The following NTM variants were observed in gnomAD, a reference collection of about 807,000 sequenced individuals.
The protein encoded by NTM is neurotrimin.
NTM carries 13 observed loss-of-function variants against 42.1 expected under a neutral mutation model. The observed-to-expected ratio is 0.31, with a 90% CI of 0.20 to 0.49. The LOEUF is 0.49. Ranked by LOEUF, NTM falls within the 20% of genes least tolerant of loss-of-function variation. The pLI is 0.99. For missense variants in NTM, 373 were observed against 452.8 expected, an observed-to-expected ratio of 0.82 and a Z score of 1.60; for synonymous variants, 187 against 179.2, an observed-to-expected ratio of 1.04 and a Z score of -0.35.
intron 2 of NTM, among the ~76,000 whole-genome samples, chr11:132,145,584 C>G (rs961317742): frequency 6.6e-6 from 1 of 152,160 alleles, no homozygotes; most frequent in Non-Finnish European, 1.5e-5. Context: ...GAAAGAAAAT[C>G]TATTTTTATA....
intron 3 of NTM, among the ~76,000 whole-genome samples, chr11:132,197,843 G>A (rs1459287932): frequency 1.3e-5 from 2 of 151,780 alleles, no homozygotes; most frequent in African/African-American, 2.4e-5. Flanking sequence ...ATTTTTTATG[G>A]CTGCATAGTA....
chr11:132,206,469 C>G (rs1250847288), intron 3 of NTM, among the ~76,000 whole-genome samples: 1 of 152,220 alleles, frequency 6.6e-6, no homozygotes, highest in Admixed American at 6.5e-5. Flanking sequence ...TTGCCAGAAA[C>G]TGTTCTCAAT....
At chr11:132,041,238 A>T (rs1165209201) in intron 2 of NTM, among the ~76,000 whole-genome samples, 10 of 134,134 alleles carry the variant, frequency 7.5e-5, no homozygotes, top group Admixed American at 2.8e-4. Flanking sequence ...AGATAGAGAG[A>T]GAGAGAGAGA....
At chr11:131,795,460 T>C in intron 1 of NTM, 1 of 985,434 alleles carries the variant, frequency 1.0e-6, no homozygotes, top group Non-Finnish European at 1.2e-6. Context: ...GATATGCAGC[T>C]TGTGGAAATG....
At position 131,860,733 on chromosome 11, in the gene NTM, G is replaced by T. The variant is rs537982364; in HGVS notation, c.83-50831G>T. ...TTCTAAGGGCAGCAGGTCCCAGGAA[G>T]TACACTTTCACCACCCCCTGAATTC... On this transcript the variant is annotated intron_variant, in intron 1 of 8. Coordinates refer to ENST00000683400, the MANE Select transcript of NTM (RefSeq NM_001352005.2). 3.3e-5 allele frequency among the ~76,000 whole-genome samples: 5 copies of T among 152,306 alleles called. No individual in the cohort carries two copies. The East Asian group carries it at 9.7e-4, about 29-fold the overall frequency.
rs75383178 is a variant in NTM, at chr11:131,811,705, C to T, written c.83-99859C>T. Among the ~76,000 whole-genome samples, 1,422 of 152,116 alleles carry T rather than the reference C, an allele frequency of 9.3e-3. 23 individuals carry two copies. Among genetic ancestry groups the T allele is most frequent in the African/African-American group, 0.032 (1,323 of 41,478 alleles). The stretch of plus-strand genomic sequence containing the variant: ...AGAAATGAGCTGCTGCAGAGTGAGT[C>T]GTGATGGATGGGCTCATTTACATGT... On this transcript the variant is annotated intron_variant, in intron 1 of 8. Transcript: ENST00000683400.
chr11:131,879,439 TTAA>T (rs1479017686), intron 1 of NTM, among the ~76,000 whole-genome samples: 4 of 152,142 alleles, frequency 2.6e-5, no homozygotes, highest in South Asian at 2.1e-4. Context: ...TTGGGTCATC[TTAA>T]TGATGACAGC....
chr11:131,745,331 A>G (rs1224569652), intron 1 of NTM, among the ~76,000 whole-genome samples: 1 of 152,238 alleles, frequency 6.6e-6, no homozygotes, highest in African/African-American at 2.4e-5. Flanking sequence ...CACTGCTCTC[A>G]GTCTCCTCAT....
At chr11:131,988,571 T>C (rs1234088820) in intron 2 of NTM, among the ~76,000 whole-genome samples, 1 of 152,156 alleles carries the variant, frequency 6.6e-6, no homozygotes, top group African/African-American at 2.4e-5. Context: ...CGTGGTGAGG[T>C]AGGTTGATGG....
At chr11:132,062,585 A>G (rs542441233) in intron 2 of NTM, among the ~76,000 whole-genome samples, 1 of 152,308 alleles carries the variant, frequency 6.6e-6, no homozygotes, top group South Asian at 2.1e-4. Context: ...TCTAAAAAAA[A>G]TAAAAGTATG....
chr11:131,718,109 A>G (rs542262939), intron 1 of NTM, among the ~76,000 whole-genome samples: 59 of 152,208 alleles, frequency 3.9e-4, no homozygotes, highest in Non-Finnish European at 7.6e-4. Flanking sequence ...CAATTTACTA[A>G]CAGTATGTTT....
At chr11:131,424,600 C>CTTTTCTTTTTTTTTTTTTTTTTTTTTTTT (rs1555108116) in intron 1 of NTM, among the ~76,000 whole-genome samples, 23 of 56,040 alleles carry the variant, frequency 4.1e-4, no homozygotes, top group African/African-American at 5.8e-4. Flanking sequence ...CTTTTCTTTT[C>CTTTTCTTTTTTTTTTTTTTTTTTTTTTTT]TTTTTTTTTT....
At chr11:131,517,842 C>T (rs565331336) in intron 1 of NTM, among the ~76,000 whole-genome samples, 1 of 152,308 alleles carries the variant, frequency 6.6e-6, no homozygotes, top group African/African-American at 2.4e-5. Context: ...ACCCCTCCCT[C>T]TAGCTCAGAT....
At chr11:131,397,501 C>T (rs1944689606) in intron 1 of NTM, among the ~76,000 whole-genome samples, 1 of 152,142 alleles carries the variant, frequency 6.6e-6, no homozygotes, top group Non-Finnish European at 1.5e-5. Context: ...TGAAGCCCAG[C>T]TTCTAATTTT....
intron 1 of NTM, among the ~76,000 whole-genome samples, chr11:131,874,030 A>AATATATATATATATATATAT (rs59083400): frequency 2.6e-5 from 2 of 76,638 alleles, no homozygotes; most frequent in African/African-American, 3.7e-5. Flanking sequence ...AATATAATAT[A>AATATATATATATATATATAT]ATATATATAT....
chr11:132,191,964 A>AT (rs1159461004), intron 3 of NTM, among the ~76,000 whole-genome samples: 4 of 152,174 alleles, frequency 2.6e-5, no homozygotes, highest in African/African-American at 9.6e-5. Flanking sequence ...AGGCAAAAAA[A>AT]TTTTTTTAAA....
chr11:132,310,056 C>CAAAAAAAA, intron 5 of NTM, 56 bp from the exon 6 acceptor site: 2 of 1,316,918 alleles, frequency 1.5e-6, no homozygotes, highest in Non-Finnish European at 1.9e-6. Flanking sequence ...GACTCCATCT[C>CAAAAAAAA]AAAAAAAAAA....
chr11:132,317,211 AGTGCTCTGGGGAGCTC>A (rs1439987253), intron 7 of NTM, among the ~76,000 whole-genome samples: 1 of 152,178 alleles, frequency 6.6e-6, no homozygotes, highest in Non-Finnish European at 1.5e-5. Context: ...CCTGAATCAC[AGTGCTCTGGGGAGCTC>A]GTTCGTTCCT....
chr11:131,451,584 G>A (rs532796920), intron 1 of NTM, among the ~76,000 whole-genome samples: 2 of 152,194 alleles, frequency 1.3e-5, no homozygotes, highest in Non-Finnish European at 2.9e-5. Flanking sequence ...ATTCAGAAAT[G>A]GGCATGGTCA....
Sources: allele counts gnomAD v4.1 joint callset (sites outside exome capture counted in the v4.1 genomes callset), GRCh38; gene constraint gnomAD v4.1.1; transcripts MANE v1.5; gene names NCBI Gene and HGNC (gene_info 2026-07-23, HGNC 2026-07-21).